The following MTUS1 variants were observed in gnomAD, a reference collection of about 807,000 sequenced individuals.
MTUS1 encodes the protein microtubule associated scaffold protein 1, also known as microtubule-associated tumor suppressor 1.
MTUS1 carries 109 observed loss-of-function variants against 120.8 expected under a neutral mutation model. The ratio of observed to expected loss-of-function variants is 0.90; its 90% confidence interval spans 0.77 to 1.06. The LOEUF is 1.06. Among genes scored for constraint, MTUS1 ranks in the 50% least tolerant of loss-of-function variants. The pLI is 0.00. For synonymous variants in MTUS1, 737 were observed against 550.5 expected (o/e 1.34, Z -4.74); for missense variants, 2,210 against 1,486.3 (o/e 1.49, Z -8.01).
intron 8 of MTUS1, chr8:17,674,499 G>A: frequency 3.0e-6 from 3 of 985,266 alleles, no homozygotes; most frequent in Non-Finnish European, 3.6e-6. Flanking sequence ...TGAACCCTAA[G>A]GGCTTCCAGG....
At chr8:17,753,078 T>G (rs1464663016) in intron 2 of MTUS1, among the ~76,000 whole-genome samples, 2 of 152,300 alleles carry the variant, frequency 1.3e-5, no homozygotes, top group Non-Finnish European at 2.9e-5. Flanking sequence ...TCACTATACA[T>G]AAGTAAAAGA....
At chr8:17,774,828 C>G (rs1394652160) in intron 1 of MTUS1, among the ~76,000 whole-genome samples, 12 of 151,988 alleles carry the variant, frequency 7.9e-5, no homozygotes, top group Non-Finnish European at 1.8e-4. Flanking sequence ...TGGACACCAT[C>G]AAAGGTGTCA....
intron 3 of MTUS1, among the ~76,000 whole-genome samples, chr8:17,742,628 A>G (rs2047427488): frequency 6.6e-6 from 1 of 152,062 alleles, no homozygotes. Context: ...CTCTGTGGTC[A>G]TGTCTCCTTG....
intron 4 of MTUS1, among the ~76,000 whole-genome samples, chr8:17,718,470 G>T: frequency 6.6e-6 from 1 of 152,180 alleles, no homozygotes; most frequent in African/African-American, 2.4e-5. Context: ...CAGTGCATTC[G>T]CCCATATCGG....
Position 17,649,845 on chromosome 8 carries a change from C to G in MTUS1, c.3501+1G>C, listed in dbSNP as rs1806601636. 4 of 1,484,682 alleles carry G rather than the reference C, an allele frequency of 2.7e-6. No individual in the cohort carries two copies. The highest frequency in any genetic ancestry group is 1.4e-5 in the African/African-American group (1 of 72,304). The allele number at this position is 1,484,682 out of a possible 1,614,324, so 92.0% of individuals were successfully genotyped here. A position where few individuals can be genotyped will look rare whatever the true frequency, so the allele number is the denominator to read the frequency against. On this transcript the variant is annotated splice_donor_variant, in intron 13 of 14. Transcript: ENST00000693296. LOFTEE classifies it high-confidence loss of function. The stretch of plus-strand genomic sequence containing the variant: ...CCTCTTTCATTCTGAAGGAAACATA[C>G]CAGTTTCTCCATTTTCATTAACTTG...
chr8:17,800,388 C>T (rs555292590), intron 1 of MTUS1, among the ~76,000 whole-genome samples: 1 of 152,216 alleles, frequency 6.6e-6, no homozygotes, highest in Admixed American at 6.5e-5. Flanking sequence ...TCTTAGAACA[C>T]TGACTACTTC....
chr8:17,689,155 G>A (rs1474224337), intron 6 of MTUS1, among the ~76,000 whole-genome samples: 1 of 152,072 alleles, frequency 6.6e-6, no homozygotes, highest in East Asian at 1.9e-4. Flanking sequence ...AAGTTCCAGT[G>A]AGCCGAGATC....
At chr8:17,669,852 C>CAA (rs56711683) in intron 8 of MTUS1, among the ~76,000 whole-genome samples, 75 of 151,672 alleles carry the variant, frequency 4.9e-4, no homozygotes, top group Admixed American at 5.9e-4. Flanking sequence ...TTCTAAAAAA[C>CAA]AAAAAAAACA....
intron 6 of MTUS1, among the ~76,000 whole-genome samples, chr8:17,710,018 A>C (rs1392978468): frequency 2.0e-5 from 3 of 147,508 alleles, no homozygotes; most frequent in Non-Finnish European, 4.5e-5. Flanking sequence ...AAAAAAAAAA[A>C]CACCTTAATT....
chr8:17,668,725 G>T (rs1811418642), intron 8 of MTUS1, among the ~76,000 whole-genome samples: 1 of 151,916 alleles, frequency 6.6e-6, no homozygotes. Context: ...TTTGTTATTT[G>T]GGTCAACTTG....
chr8:17,743,946 C>T, intron 2 of MTUS1, 147 bp from the exon 3 acceptor site: 2 of 617,506 alleles, frequency 3.2e-6, no homozygotes, highest in South Asian at 4.4e-5. Flanking sequence ...GTCAGACATG[C>T]CTCATTATAC....
chr8:17,745,158 C>T (rs1563308846), intron 2 of MTUS1, among the ~76,000 whole-genome samples: 3 of 152,152 alleles, frequency 2.0e-5, no homozygotes. Flanking sequence ...CATACCACTT[C>T]CTTGTGGTAT....
At chr8:17,660,615 T>G (rs946974751) in intron 8 of MTUS1, among the ~76,000 whole-genome samples, 2 of 152,184 alleles carry the variant, frequency 1.3e-5, no homozygotes, top group African/African-American at 4.8e-5. Context: ...GGTACTCTTT[T>G]CCATAGTGGT....
intron 14 of MTUS1, 31 bp from the exon 15 acceptor site, chr8:17,646,170 C>T: frequency 2.0e-6 from 3 of 1,470,920 alleles, no homozygotes; most frequent in East Asian, 2.4e-5. Context: ...ACCATGAGAT[C>T]TATGTAAAAA....
chr8:17,723,844 A>T lies in MTUS1; in HGVS notation c.2288-11T>A, dbSNP rs759538775. Reference sequence around the variant, plus strand: ...AGGATGTAGGCTTTCCTTGGGGTTTAAAAAAAACAAAAAGTTTCCAGTGCT... The same window carrying T: ...AGGATGTAGGCTTTCCTTGGGGTTTTAAAAAAACAAAAAGTTTCCAGTGCT... On this transcript the variant is annotated splice_polypyrimidine_tract_variant and intron_variant, in intron 3 of 14. Transcript: ENST00000693296. 28 of 1,525,258 alleles carry T rather than the reference A, an allele frequency of 1.8e-5. 3 individuals are homozygous for T. Among genetic ancestry groups the T allele is most frequent in the Middle Eastern group, 1.8e-4 (1 of 5,692 alleles). 94.5% of individuals were successfully genotyped at this position (1,525,258 alleles called of 1,614,324 possible).
chr8:17,653,025 G>A (rs1341246610), intron 12 of MTUS1, among the ~76,000 whole-genome samples, 161 bp downstream of exon 12: 4 of 152,138 alleles, frequency 2.6e-5, no homozygotes, highest in Non-Finnish European at 4.4e-5. Context: ...CAAGACGCCA[G>A]TAAGCAAAGC....
intron 1 of MTUS1, among the ~76,000 whole-genome samples, chr8:17,793,047 G>C (rs997427247): frequency 4.6e-5 from 7 of 151,238 alleles, no homozygotes; most frequent in Non-Finnish European, 8.8e-5. Context: ...AGACTGCAAA[G>C]TTATCTGAAT....
At chr8:17,665,193 C>G (rs1810636442) in intron 8 of MTUS1, among the ~76,000 whole-genome samples, 1 of 152,190 alleles carries the variant, frequency 6.6e-6, no homozygotes, top group Non-Finnish European at 1.5e-5. Flanking sequence ...AGACCAGGTT[C>G]TTTTTCTACA....
intron 2 of MTUS1, among the ~76,000 whole-genome samples, chr8:17,751,242 T>C (rs997540088): frequency 1.3e-4 from 20 of 152,054 alleles, no homozygotes; most frequent in African/African-American, 4.8e-4. Flanking sequence ...GAGGTTGCAG[T>C]GAGCCGAGAT....
Sources: gnomAD v4.1 joint callset for allele counts (sites outside exome capture counted in the v4.1 genomes callset) on GRCh38, gnomAD v4.1.1 for gene constraint, MANE v1.5 for transcripts, NCBI Gene and HGNC (gene_info 2026-07-23, HGNC 2026-07-21) for gene names.